The following SAMD5 variants were observed in gnomAD, a reference collection of about 807,000 sequenced individuals.
The protein encoded by SAMD5 is sterile alpha motif domain containing 5.
In SAMD5, 13 loss-of-function variants were observed where a neutral mutation model predicts 11.3. The ratio of observed to expected loss-of-function variants is 1.15; its 90% confidence interval spans 0.75 to 1.83. The LOEUF (loss-of-function observed/expected upper bound fraction) is 1.83. SAMD5 is among the 40% of genes most tolerant of loss of function. The pLI is 0.00. For missense variants in SAMD5, 255 were observed against 239.1 expected, an observed-to-expected ratio of 1.07 and a Z score of -0.44; for synonymous variants, 129 against 111.3, an observed-to-expected ratio of 1.16 and a Z score of -1.00.
chr6:147,783,492 C>T, the SAMD5 span, among the ~76,000 whole-genome samples: 1 of 152,100 alleles, frequency 6.6e-6, no homozygotes, highest in East Asian at 1.9e-4. Flanking sequence ...CTCCTGGGTT[C>T]AAGTGATTCT....
chr6:147,742,994 T>C, the SAMD5 span, among the ~76,000 whole-genome samples: 1 of 152,192 alleles, frequency 6.6e-6, no homozygotes, highest in African/African-American at 2.4e-5. Context: ...GTTCTCTAAA[T>C]TGCTGTATTA....
At chr6:147,764,245 A>T in the SAMD5 span, among the ~76,000 whole-genome samples, 2 of 152,192 alleles carry the variant, frequency 1.3e-5, no homozygotes, top group Non-Finnish European at 2.9e-5. Flanking sequence ...CTCTCAGATC[A>T]GGCTTCATAC....
At chr6:147,665,966 TCTCA>T (rs1790711283) in intron 1 of SAMD5, among the ~76,000 whole-genome samples, 1 of 152,198 alleles carries the variant, frequency 6.6e-6, no homozygotes, top group South Asian at 2.1e-4. Flanking sequence ...TGAGACAGGG[TCTCA>T]CTCTGTTGCC....
chr6:147,636,616 C>G (rs1790234380), intron 1 of SAMD5, among the ~76,000 whole-genome samples: 1 of 152,196 alleles, frequency 6.6e-6, no homozygotes, highest in Non-Finnish European at 1.5e-5. Flanking sequence ...TGGTCACTAC[C>G]TGGCATGGTG....
At chr6:147,708,879 G>A (rs779768881) in intron 1 of SAMD5, among the ~76,000 whole-genome samples, 3 of 152,124 alleles carry the variant, frequency 2.0e-5, no homozygotes, top group Non-Finnish European at 4.4e-5. Context: ...TGTAAGCAGT[G>A]GTGTCCCAGT....
At chr6:147,897,937 T>A in the SAMD5 span, among the ~76,000 whole-genome samples, 1 of 117,814 alleles carries the variant, frequency 8.5e-6, no homozygotes, top group African/African-American at 3.4e-5. Flanking sequence ...AGAGTGAGAT[T>A]TTTCTTAAAA....
intron 1 of SAMD5, among the ~76,000 whole-genome samples, chr6:147,579,832 T>C (rs1479618382): frequency 6.6e-6 from 1 of 152,194 alleles, no homozygotes; most frequent in African/African-American, 2.4e-5. Flanking sequence ...CAACTTTCTT[T>C]AGGCTTATGA....
chr6:147,820,935 C>A, the SAMD5 span, among the ~76,000 whole-genome samples: 5 of 152,294 alleles, frequency 3.3e-5, no homozygotes, highest in South Asian at 1.0e-3. Context: ...CAAGAGATTT[C>A]TGTAACTAAA....
At chr6:147,792,217 G>A in the SAMD5 span, among the ~76,000 whole-genome samples, 2 of 152,132 alleles carry the variant, frequency 1.3e-5, no homozygotes, top group Admixed American at 6.5e-5. Context: ...AGACTGTATC[G>A]CTAAATGCAA....
intron 1 of SAMD5, among the ~76,000 whole-genome samples, chr6:147,694,323 C>A (rs1382926644): frequency 6.6e-6 from 1 of 152,166 alleles, no homozygotes; most frequent in Non-Finnish European, 1.5e-5. Context: ...AGACAAAAAT[C>A]TTTCAAGTGA....
chr6:147,948,321 G>A, the SAMD5 span, among the ~76,000 whole-genome samples: 3 of 150,092 alleles, frequency 2.0e-5, no homozygotes, highest in Non-Finnish European at 4.4e-5. Context: ...GAATTTCATA[G>A]TTGAATATAC....
the SAMD5 span, among the ~76,000 whole-genome samples, chr6:147,813,314 A>G: frequency 6.6e-6 from 1 of 152,182 alleles, no homozygotes; most frequent in South Asian, 2.1e-4. Flanking sequence ...TGTTCTGCTC[A>G]AACTCAAATT....
chr6:147,696,790 T>A (rs565754073), intron 1 of SAMD5, among the ~76,000 whole-genome samples: 5 of 152,156 alleles, frequency 3.3e-5, no homozygotes, highest in Non-Finnish European at 7.4e-5. Flanking sequence ...TTAATATACA[T>A]AAAACAGTCA....
At chr6:147,516,261 TC>T (rs1263608105) in intron 1 of SAMD5, among the ~76,000 whole-genome samples, 1 of 152,130 alleles carries the variant, frequency 6.6e-6, no homozygotes, top group Non-Finnish European at 1.5e-5. Context: ...AGTGCCCATC[TC>T]CCCGACTAAG....
the SAMD5 span, among the ~76,000 whole-genome samples, chr6:147,798,850 G>T: frequency 6.6e-6 from 1 of 152,074 alleles, no homozygotes; most frequent in South Asian, 2.1e-4. Context: ...TTTGTTCTTT[G>T]TTGGTTTAAA....
chr6:147,906,122 C>T, the SAMD5 span, among the ~76,000 whole-genome samples: 484 of 152,260 alleles, frequency 3.2e-3, 14 homozygotes, highest in East Asian at 0.078. Flanking sequence ...GATTTGAGAA[C>T]GCTTTTAATG....
the SAMD5 span, among the ~76,000 whole-genome samples, chr6:147,762,434 G>C: frequency 6.6e-6 from 1 of 152,052 alleles, no homozygotes; most frequent in East Asian, 1.9e-4. Context: ...CCTGACCTCA[G>C]GTGATCCACC....
chr6:147,873,819 T>A, the SAMD5 span, among the ~76,000 whole-genome samples: 1 of 152,230 alleles, frequency 6.6e-6, no homozygotes, highest in Non-Finnish European at 1.5e-5. Context: ...TTGAGCTAGC[T>A]ACAGTGGTTT....
At chr6:147,755,343 A>T in the SAMD5 span, among the ~76,000 whole-genome samples, 5 of 151,822 alleles carry the variant, frequency 3.3e-5, no homozygotes, top group African/African-American at 1.2e-4. Context: ...TTACTTTTTA[A>T]TTTCTTTTTT....
Sources: gnomAD v4.1 joint callset for allele counts (sites outside exome capture counted in the v4.1 genomes callset) on GRCh38, gnomAD v4.1.1 for gene constraint, MANE v1.5 for transcripts, NCBI Gene and HGNC (gene_info 2026-07-23, HGNC 2026-07-21) for gene names.